Variants in RNF152 observed in about 807,000 individuals in gnomAD.
RNF152 encodes ring finger protein 152, also known as E3 ubiquitin-protein ligase RNF152.
RNF152 carries 11 observed loss-of-function variants against 12.7 expected under a neutral mutation model. That is an observed-to-expected ratio of 0.86 (90% CI 0.54 to 1.43). The LOEUF is 1.43. RNF152 is among the 40% of genes most tolerant of loss of function. RNF152 has a pLI of 0.00. For missense variants in RNF152, 255 were observed against 274.8 expected, an observed-to-expected ratio of 0.93 and a Z score of 0.51; for synonymous variants, 113 against 120.3, an observed-to-expected ratio of 0.94 and a Z score of 0.40.
intron 1 of RNF152, among the ~76,000 whole-genome samples, chr18:61,838,627 A>G (rs1599281957): frequency 6.6e-6 from 1 of 152,212 alleles, no homozygotes; most frequent in East Asian, 1.9e-4. Context: ...AGATAGCCAC[A>G]GACGGTCCCC....
chr18:61,815,504 G>A lies in RNF152; in HGVS notation c.*348C>T, dbSNP rs1909020274. 3 of 191,254 alleles carry A rather than the reference G, an allele frequency of 1.6e-5. No homozygotes were observed. In the Admixed American group the frequency reaches 1.7e-4, roughly 11 times the overall value. The allele number at this position is 191,254 out of a possible 1,614,324, so 11.8% of individuals were successfully genotyped here. A position where few individuals can be genotyped will look rare whatever the true frequency, so the allele number is the denominator to read the frequency against. ...TTTGAATCTACCGCATTTAGAGAAG[G>A]TCACATTGTACGCACTTGTACAGTT... On this transcript the variant is annotated 3_prime_UTR_variant, in exon 2 of 2. Transcript: ENST00000312828.
At chr18:61,864,831 T>C (rs990331462) in intron 1 of RNF152, among the ~76,000 whole-genome samples, 1 of 152,166 alleles carries the variant, frequency 6.6e-6, no homozygotes, top group African/African-American at 2.4e-5. Flanking sequence ...CCAGCCTGGC[T>C]AACATGGTGA....
intron 1 of RNF152, among the ~76,000 whole-genome samples, chr18:61,855,875 C>T (rs1052271127): frequency 8.5e-5 from 13 of 152,136 alleles, no homozygotes; most frequent in African/African-American, 2.7e-4. Flanking sequence ...CAGAGGATCC[C>T]GTGACAAAAG....
chr18:61,817,623 G>T (rs1909174280), intron 1 of RNF152, among the ~76,000 whole-genome samples: 1 of 151,998 alleles, frequency 6.6e-6, no homozygotes, highest in Non-Finnish European at 1.5e-5. Flanking sequence ...TGGTATACAT[G>T]GGGGTCCTGG....
chr18:61,822,626 A>C (rs2144628663), intron 1 of RNF152, among the ~76,000 whole-genome samples: 1 of 152,280 alleles, frequency 6.6e-6, no homozygotes, highest in East Asian at 1.9e-4. Flanking sequence ...GATAATCCAG[A>C]TAGTTTTACT....
At position 61,866,192 on chromosome 18, in the gene RNF152, T is replaced by A. The variant is rs538949923; in HGVS notation, c.-136+26603A>T. 2.6e-5 allele frequency among the ~76,000 whole-genome samples: 4 copies of A among 152,134 alleles called. No homozygotes were observed. The South Asian group carries it at 6.2e-4, about 24-fold the overall frequency. ...TCATCACAAAGCCCAGCAAACTAGG[T>A]TCTCCCTGCCTCTCATCTCTCCCCA... On this transcript the variant is annotated intron_variant, in intron 1 of 1. Coordinates refer to ENST00000312828, the MANE Select transcript of RNF152 (RefSeq NM_173557.3).
intron 1 of RNF152, among the ~76,000 whole-genome samples, chr18:61,891,274 C>G (rs955305377): frequency 9.8e-5 from 15 of 152,288 alleles, no homozygotes; most frequent in African/African-American, 3.4e-4. Flanking sequence ...AATTAAGCAT[C>G]AATGGACACT....
At chr18:61,892,325 G>T (rs768512536) in intron 1 of RNF152, among the ~76,000 whole-genome samples, 4 of 152,176 alleles carry the variant, frequency 2.6e-5, no homozygotes, top group Non-Finnish European at 5.9e-5. Flanking sequence ...AGGAACAGAA[G>T]AAAGACAGTA....
intron 1 of RNF152, among the ~76,000 whole-genome samples, 182 bp downstream of exon 1, chr18:61,892,613 A>G (rs575725511): frequency 2.0e-5 from 3 of 152,312 alleles, no homozygotes; most frequent in Non-Finnish European, 4.4e-5. Context: ...TGGCTTCTTC[A>G]AAGGGAAGGT....
At chr18:61,863,070 A>T (rs1332384493) in intron 1 of RNF152, among the ~76,000 whole-genome samples, 1 of 152,166 alleles carries the variant, frequency 6.6e-6, no homozygotes, top group African/African-American at 2.4e-5. Flanking sequence ...AGACAGGTTA[A>T]CCAAAGGTTC....
intron 1 of RNF152, among the ~76,000 whole-genome samples, chr18:61,872,838 T>C (rs1370463706): frequency 6.6e-6 from 1 of 152,232 alleles, no homozygotes; most frequent in East Asian, 1.9e-4. Flanking sequence ...ACACCATGAC[T>C]GAAATTAAAA....
chr18:61,891,361 G>A (rs1181320117), intron 1 of RNF152, among the ~76,000 whole-genome samples: 2 of 151,986 alleles, frequency 1.3e-5, no homozygotes, highest in Admixed American at 1.3e-4. Context: ...CTTTGTTCTT[G>A]GACGTGCATT....
intron 1 of RNF152, among the ~76,000 whole-genome samples, chr18:61,872,433 A>G (rs1912035180): frequency 6.6e-6 from 1 of 152,212 alleles, no homozygotes; most frequent in Non-Finnish European, 1.5e-5. Context: ...TTGTTTAAAA[A>G]TCTTACTATC....
intron 1 of RNF152, among the ~76,000 whole-genome samples, chr18:61,879,513 G>A (rs771145555): frequency 6.6e-6 from 1 of 152,112 alleles, no homozygotes; most frequent in Non-Finnish European, 1.5e-5. Flanking sequence ...TCACTATGCT[G>A]TGTTTTGCGG....
At chr18:61,872,700 T>C (rs1238573570) in intron 1 of RNF152, among the ~76,000 whole-genome samples, 3 of 152,212 alleles carry the variant, frequency 2.0e-5, no homozygotes, top group Non-Finnish European at 4.4e-5. Context: ...TCCACAACTA[T>C]GTCATTGATA....
chr18:61,826,796 G>C (rs1365106567), intron 1 of RNF152, among the ~76,000 whole-genome samples: 1 of 152,208 alleles, frequency 6.6e-6, no homozygotes, highest in Non-Finnish European at 1.5e-5. Context: ...TGCTCTAACA[G>C]TGGTTACCTT....
At position 61,811,011 on chromosome 18, in the gene RNF152, C is replaced by T. The variant is rs1226209752; in HGVS notation, c.*4841G>A. On this transcript the variant is annotated 3_prime_UTR_variant, in exon 2 of 2. Coordinates refer to ENST00000312828, the MANE Select transcript of RNF152 (RefSeq NM_173557.3). ...GCACCGATAACTTTTGAACTTCTAT[C>T]TTCCTATTAAGGCTAAAGAAAGATT... is the stretch of plus-strand genomic sequence containing the variant. 2 of 148,686 alleles carry T rather than the reference C, an allele frequency of 1.3e-5. No individual in the cohort carries two copies. Among genetic ancestry groups the T allele is most frequent in the Non-Finnish European group, 3.0e-5 (2 of 67,668 alleles). 9.2% of individuals were successfully genotyped at this position (148,686 alleles called of 1,614,324 possible). A position where few individuals can be genotyped will look rare whatever the true frequency, so the allele number is the denominator to read the frequency against.
intron 1 of RNF152, among the ~76,000 whole-genome samples, chr18:61,880,330 T>G (rs1488067218): frequency 1.3e-5 from 2 of 152,200 alleles, no homozygotes; most frequent in South Asian, 4.1e-4. Flanking sequence ...CTAAATTACG[T>G]TACACTGAAC....
At chr18:61,841,981 C>T (rs1027307900) in intron 1 of RNF152, among the ~76,000 whole-genome samples, 1 of 152,174 alleles carries the variant, frequency 6.6e-6, no homozygotes, top group Admixed American at 6.5e-5. Flanking sequence ...TCCAATAAAA[C>T]TTTATTTACA....
Sources: allele counts gnomAD v4.1 joint callset (sites outside exome capture counted in the v4.1 genomes callset), GRCh38; gene constraint gnomAD v4.1.1; transcripts MANE v1.5; gene names NCBI Gene and HGNC (gene_info 2026-07-23, HGNC 2026-07-21).